Variants in YTHDC2 observed in about 807,000 individuals in gnomAD.
YTHDC2 encodes YTH N6-methyladenosine RNA binding protein C2.
Under a neutral mutation model 174.9 loss-of-function variants are expected in YTHDC2, and 45 were observed. The ratio of observed to expected loss-of-function variants is 0.26; its 90% CI spans 0.20 to 0.33. The LOEUF (loss-of-function observed/expected upper bound fraction) is 0.33, where lower values mean the gene tolerates loss of function less well. YTHDC2 is among the 10% of genes least tolerant of loss of function. The pLI is 1.00. For missense variants in YTHDC2, 1,650 were observed against 1,723.7 expected, an observed-to-expected ratio of 0.96 and a Z score of 0.76; for synonymous variants, 657 against 574.5, an observed-to-expected ratio of 1.14 and a Z score of -2.05.
At chr5:113,545,551 C>T (rs1020505194) in intron 10 of YTHDC2, among the ~76,000 whole-genome samples, 14 of 151,878 alleles carry the variant, frequency 9.2e-5, no homozygotes. Flanking sequence ...AGACTGAATA[C>T]TTCATCTCTT....
chr5:113,552,166 A>G (rs1776290762), intron 12 of YTHDC2, among the ~76,000 whole-genome samples: 1 of 152,132 alleles, frequency 6.6e-6, no homozygotes, highest in Admixed American at 6.6e-5. Context: ...GTGGTTTTTA[A>G]CAGTTTTATT....
chr5:113,535,397 G>A (rs1386784600), intron 6 of YTHDC2, among the ~76,000 whole-genome samples: 1 of 151,916 alleles, frequency 6.6e-6, no homozygotes. Flanking sequence ...ATTTTGGCAT[G>A]GGGGAAGGCC....
chr5:113,569,137 C>A (rs115363908), intron 23 of YTHDC2, among the ~76,000 whole-genome samples: 5,110 of 152,156 alleles, frequency 0.034, 281 homozygotes, highest in African/African-American at 0.12. Context: ...TTGTTGGCCA[C>A]ATGTACATCT....
intron 4 of YTHDC2, among the ~76,000 whole-genome samples, chr5:113,529,863 T>A (rs1412063429): frequency 1.3e-5 from 2 of 152,194 alleles, no homozygotes; most frequent in African/African-American, 2.4e-5. Flanking sequence ...TCTGTCAATA[T>A]TTTTCTAGGG....
intron 4 of YTHDC2, 30 bp from the exon 5 acceptor site, chr5:113,532,849 A>C (rs1299873451): frequency 1.3e-6 from 2 of 1,586,570 alleles, no homozygotes; most frequent in South Asian, 2.3e-5. Flanking sequence ...TGATCATGTC[A>C]TCTTACAGTT....
At chr5:113,535,060 T>G (rs1204145427) in intron 6 of YTHDC2, among the ~76,000 whole-genome samples, 1 of 152,214 alleles carries the variant, frequency 6.6e-6, no homozygotes, top group African/African-American at 2.4e-5. Flanking sequence ...TAAATTGGAC[T>G]TTACTTATAA....
At chr5:113,569,975 C>T (rs1163272684) in intron 23 of YTHDC2, among the ~76,000 whole-genome samples, 5 of 152,098 alleles carry the variant, frequency 3.3e-5, no homozygotes, top group Middle Eastern at 3.2e-3. Context: ...GAGCATGGAA[C>T]GTTTTTCCAT....
At chr5:113,550,328 T>C (rs1478841230) in intron 12 of YTHDC2, among the ~76,000 whole-genome samples, 1 of 151,962 alleles carries the variant, frequency 6.6e-6, no homozygotes, top group Non-Finnish European at 1.5e-5. Flanking sequence ...TTTATGAATC[T>C]GTTAGATAAT....
chr5:113,578,336 T>C (rs748570471), intron 23 of YTHDC2, among the ~76,000 whole-genome samples: 2 of 151,914 alleles, frequency 1.3e-5, no homozygotes, highest in African/African-American at 2.4e-5. Flanking sequence ...GCTGGGACTA[T>C]AGGCATGAGT....
intron 10 of YTHDC2, among the ~76,000 whole-genome samples, chr5:113,546,302 A>G (rs962848088): frequency 5.9e-5 from 9 of 152,192 alleles, no homozygotes; most frequent in African/African-American, 2.2e-4. Flanking sequence ...TAATTTGATT[A>G]TGGTCATCCT....
intron 26 of YTHDC2, among the ~76,000 whole-genome samples, chr5:113,589,222 G>A (rs937022384): frequency 6.6e-6 from 1 of 151,162 alleles, no homozygotes; most frequent in Non-Finnish European, 1.5e-5. Flanking sequence ...ACAGGTCACC[G>A]ATGTTCTCTT....
chr5:113,575,945 G>T (rs1313012369), intron 23 of YTHDC2, among the ~76,000 whole-genome samples: 1 of 150,022 alleles, frequency 6.7e-6, no homozygotes, highest in Non-Finnish European at 1.5e-5. Flanking sequence ...ATTGAATGTG[G>T]GTAGTAAGGG....
intron 4 of YTHDC2, among the ~76,000 whole-genome samples, chr5:113,530,524 G>A (rs370828729): frequency 3.3e-5 from 5 of 151,910 alleles, no homozygotes; most frequent in South Asian, 2.1e-4. Flanking sequence ...CAGGTAGTGC[G>A]AGTACCTTAA....
At chr5:113,526,227 A>G (rs1240324112) in intron 3 of YTHDC2, among the ~76,000 whole-genome samples, 2 of 152,132 alleles carry the variant, frequency 1.3e-5, no homozygotes, top group African/African-American at 4.8e-5. Flanking sequence ...AGAAATTTAT[A>G]ACAAGCCTAA....
At position 113,548,983 on chromosome 5, in the gene YTHDC2, G is replaced by A. The variant is rs766516369; in HGVS notation, c.1651G>A (p.Gly551Arg). The A allele has an allele frequency of 3.1e-6, 5 of 1,612,836 alleles. No homozygotes were observed. Among genetic ancestry groups the A allele is most frequent in the African/African-American group, 1.3e-5 (1 of 74,776 alleles). The change falls in exon 12 of 30, where the codon GGG becomes AGG. Residue 551 changes from glycine (G) to arginine (R), a missense_variant. By Grantham distance (125) the Gly-to-Arg change is moderately radical. Around this residue, in one of 5 missense-constraint regions of YTHDC2, gnomAD observed 411 missense variants for 380.6 expected, o/e 1.08. Transcript: ENST00000161863. Reference sequence around the variant, plus strand: ...GGCATTGGATTGGGCTAAACACTTTGGGCAGACTGAAATTGTGGATCTTCT... The same window carrying A: ...GGCATTGGATTGGGCTAAACACTTTAGGCAGACTGAAATTGTGGATCTTCT... ...WMALDWAKHF[G>R]QTEIVDLLES...
At chr5:113,523,666 T>C (rs1774025250) in intron 2 of YTHDC2, among the ~76,000 whole-genome samples, 1 of 152,132 alleles carries the variant, frequency 6.6e-6, no homozygotes, top group Non-Finnish European at 1.5e-5. Context: ...TAAAATTCAT[T>C]GAAATATTCA....
chr5:113,533,440 T>G (rs1273632743), intron 5 of YTHDC2, among the ~76,000 whole-genome samples: 1 of 151,390 alleles, frequency 6.6e-6, no homozygotes, highest in East Asian at 1.9e-4. Flanking sequence ...TCCCAGCTAC[T>G]CGGGAGGCTG....
intron 23 of YTHDC2, among the ~76,000 whole-genome samples, chr5:113,575,094 G>C (rs929691998): frequency 4.6e-5 from 7 of 152,128 alleles, no homozygotes; most frequent in Non-Finnish European, 1.0e-4. Flanking sequence ...TGAGAACCTG[G>C]ATATTTCAGT....
chr5:113,518,168 G>A (rs1363957727), intron 2 of YTHDC2, among the ~76,000 whole-genome samples: 1 of 146,364 alleles, frequency 6.8e-6, no homozygotes, highest in African/African-American at 2.6e-5. Context: ...GATTACAGGC[G>A]TGAGCCACTG....
Sources: allele counts gnomAD v4.1 joint callset (sites outside exome capture counted in the v4.1 genomes callset), GRCh38; gene constraint gnomAD v4.1.1; regional missense constraint gnomAD v4.1.1; transcripts MANE v1.5; gene names NCBI Gene and HGNC (gene_info 2026-07-23, HGNC 2026-07-21).